MICAL3: variants seen among roughly 807,000 people sequenced by gnomAD.
MICAL3 encodes microtubule associated monooxygenase, calponin and LIM domain containing 3, also known as [F-actin]-monooxygenase MICAL3.
In MICAL3, 62 loss-of-function variants were observed where a neutral mutation model predicts 207.4. That is an observed-to-expected ratio of 0.30 (90% CI 0.24 to 0.37). The LOEUF (loss-of-function observed/expected upper bound fraction) is 0.37. Ranked by LOEUF, MICAL3 falls within the 10% of genes least tolerant of loss-of-function variation. The probability of loss-of-function intolerance (pLI) is 1.00; values close to 1 mark genes in which losing one functional copy is unlikely to be tolerated. For synonymous variants in MICAL3, 1,077 were observed against 1,069.3 expected (o/e 1.01, Z -0.14); for missense variants, 2,368 against 2,635.6 (o/e 0.90, Z 2.22).
At chr22:17,830,615 C>T (rs1166608301) in intron 21 of MICAL3, among the ~76,000 whole-genome samples, 1 of 152,254 alleles carries the variant, frequency 6.6e-6, no homozygotes, top group Non-Finnish European at 1.5e-5. Flanking sequence ...GCCACGCCGG[C>T]ACCTGGCTCC....
In MICAL3 at chr22:17,827,630, C is replaced by T. The variant is rs1922344550; in HGVS notation, c.3193+14G>A. On this transcript the variant is annotated intron_variant, in intron 22 of 31. Coordinates refer to ENST00000441493, the MANE Select transcript of MICAL3 (RefSeq NM_015241.3). ...GCTCGGGGCACACTGCGGCCTGGGG[C>T]TGGGAGTGTTTACCTCCGGAAGCAG... 1.9e-6 allele frequency: 3 copies of T among 1,553,388 alleles called. No individual in the cohort carries two copies. Among genetic ancestry groups the T allele is most frequent in the South Asian group, 2.4e-5 (2 of 84,102 alleles).
At chr22:17,929,050 C>T (rs1295613821) in intron 1 of MICAL3, among the ~76,000 whole-genome samples, 23 of 151,322 alleles carry the variant, frequency 1.5e-4, no homozygotes, top group Admixed American at 1.5e-3. Flanking sequence ...GCCTCGGCCT[C>T]CCAAAGTGCT....
At chr22:17,919,501 TTGA>T (rs1170039577) in intron 1 of MICAL3, among the ~76,000 whole-genome samples, 2 of 152,248 alleles carry the variant, frequency 1.3e-5, no homozygotes, top group African/African-American at 4.8e-5. Flanking sequence ...TGAGGACCAC[TTGA>T]TGAACAAACG....
At chr22:17,938,710 C>T (rs1258661764) in intron 1 of MICAL3, among the ~76,000 whole-genome samples, 1 of 152,178 alleles carries the variant, frequency 6.6e-6, no homozygotes, top group Non-Finnish European at 1.5e-5. Flanking sequence ...GAGGGTGAGG[C>T]CACTGCTCAC....
chr22:17,877,741 C>G (rs1334631336), intron 16 of MICAL3, among the ~76,000 whole-genome samples: 2 of 152,068 alleles, frequency 1.3e-5, no homozygotes, highest in Non-Finnish European at 2.9e-5. Context: ...CTTATTGCCT[C>G]CTGAGCTCAA....
rs114867357 is a variant in MICAL3 at position 17,841,751 on chromosome 22, G to A, written c.2801+71C>T. On this transcript the variant is annotated intron_variant, in intron 20 of 31. Transcript: ENST00000441493. The surrounding 1 kb of genome is among the most constrained non-coding windows in gnomAD (Gnocchi z 4.2). ...GGCCTCCCTTCACTGAGAAGAAACC[G>A]AGACACACAGAGGTGAGGAGGCTCT... 0.016 allele frequency: 23,166 copies of A among 1,470,534 alleles called. 534 individuals carry two copies. The highest frequency in any genetic ancestry group is 0.11 in the East Asian group (4,253 of 40,090). The allele number at this position is 1,470,534 out of a possible 1,614,324, so 91.1% of individuals were successfully genotyped here. A position where few individuals can be genotyped will look rare whatever the true frequency, so the allele number is the denominator to read the frequency against.
At chr22:17,858,395 C>A in intron 19 of MICAL3, 1 of 877,846 alleles carries the variant, frequency 1.1e-6, no homozygotes, top group African/African-American at 1.8e-5. Flanking sequence ...GGGTGAGCTG[C>A]AAGGTAAGGG....
intron 21 of MICAL3, among the ~76,000 whole-genome samples, chr22:17,828,529 T>C (rs538146811): frequency 1.3e-5 from 2 of 152,306 alleles, no homozygotes; most frequent in South Asian, 2.1e-4. Context: ...AGCTCTTTCA[T>C]GTACGTTTCC....
rs182975233 is a variant in MICAL3 at position 17,875,304 on chromosome 22, C to G, written c.2242-3281G>C. On this transcript the variant is annotated intron_variant, in intron 16 of 31. Coordinates refer to ENST00000441493, the MANE Select transcript of MICAL3 (RefSeq NM_015241.3). The stretch of plus-strand genomic sequence containing the variant: ...CACACACGAGACCGACACAGGCAAA[C>G]AGCAACACATGCAGCTGGCTCCCTA... The G allele has an allele frequency of 1.0e-5, 5 of 480,460 alleles. No individual in the cohort carries two copies. The East Asian group carries it at 2.0e-4, about 19-fold the overall frequency. The allele number at this position is 480,460 out of a possible 1,614,324, so 29.8% of individuals were successfully genotyped here. A position where few individuals can be genotyped will look rare whatever the true frequency, so the allele number is the denominator to read the frequency against.
At chr22:17,931,075 G>A (rs1288050093) in intron 1 of MICAL3, among the ~76,000 whole-genome samples, 1 of 152,160 alleles carries the variant, frequency 6.6e-6, no homozygotes, top group Non-Finnish European at 1.5e-5. Flanking sequence ...AGTGCTTCAG[G>A]CGACCAGTGA....
At chr22:17,977,123 C>T (rs9605463) in intron 1 of MICAL3, among the ~76,000 whole-genome samples, 40,930 of 151,992 alleles carry the variant, frequency 0.27, 5,961 homozygotes, top group African/African-American at 0.37. Flanking sequence ...ACAATAGAAA[C>T]ATCTGAAAGC....
intron 1 of MICAL3, chr22:18,005,463 A>G (rs1923326610): frequency 1.3e-5 from 2 of 152,136 alleles, no homozygotes; most frequent in Non-Finnish European, 2.9e-5. Flanking sequence ...CGTGAACACA[A>G]CCTTTTTACA....
At chr22:17,927,290 C>T (rs1349430582) in intron 1 of MICAL3, among the ~76,000 whole-genome samples, 1 of 152,182 alleles carries the variant, frequency 6.6e-6, no homozygotes, top group African/African-American at 2.4e-5. Context: ...AATAATAATT[C>T]CATTGTAGTC....
At chr22:17,911,373 A>G (rs1279913814) in intron 1 of MICAL3, among the ~76,000 whole-genome samples, 1 of 152,136 alleles carries the variant, frequency 6.6e-6, no homozygotes, top group African/African-American at 2.4e-5. Context: ...AAAGAATGAC[A>G]CTTCAAGAGT....
Position 17,787,928 on chromosome 22 carries a change from G to GT in MICAL3, c.*2803_*2804insA. 1 of 152,284 alleles carries GT rather than the reference G, an allele frequency of 6.6e-6. No homozygotes were observed. Among genetic ancestry groups the GT allele is most frequent in the South Asian group, 2.1e-4 (1 of 4,838 alleles). 9.4% of individuals were successfully genotyped at this position (152,284 alleles called of 1,614,324 possible). ...GAGCGCCTCCGGCCTGCCCTCCAGG[G>GT]AAGCTGCATGTGGACCTCCACGGTA... On this transcript the variant is annotated 3_prime_UTR_variant, in exon 32 of 32. Transcript: ENST00000441493.
At chr22:17,915,602 T>C (rs1164389740) in intron 1 of MICAL3, among the ~76,000 whole-genome samples, 8 of 151,680 alleles carry the variant, frequency 5.3e-5, no homozygotes, top group Non-Finnish European at 1.2e-4. Flanking sequence ...GAATATGGGG[T>C]TTCTCAGGTG....
At chr22:18,021,164 C>T (rs1217075340) in intron 1 of MICAL3, among the ~76,000 whole-genome samples, 1 of 152,220 alleles carries the variant, frequency 6.6e-6, no homozygotes, top group Non-Finnish European at 1.5e-5. Flanking sequence ...TGGCCTGTGC[C>T]ATAAATTGCC....
chr22:17,818,163 C>T lies in MICAL3; in HGVS notation c.4498G>A (p.Glu1500Lys). The change falls in exon 26 of 32, where the codon GAG becomes AAG. Residue 1500 changes from glutamate (E) to lysine (K), a missense_variant. By Grantham distance (56) the Glu-to-Lys change is moderately conservative (BLOSUM62 1). Around this residue, in one of 4 missense-constraint regions of MICAL3, gnomAD observed 1,770 missense variants for 1,863.2 expected, o/e 0.95. Transcript: ENST00000441493. ...LPATWMRPPREPAQPPREEVR... is the reference protein window; with the variant it reads ...LPATWMRPPRKPAQPPREEVR... ...TCCTCTCTGGGGGGCTGAGCAGGCT[C>T]CCGGGGGGGCCGCATCCAGGTGGCG... The T allele has an allele frequency of 1.3e-6, 2 of 1,595,992 alleles. No homozygotes were observed. The highest frequency in any genetic ancestry group is 1.7e-6 in the Non-Finnish European group (2 of 1,173,492).
chr22:17,987,055 C>G (rs1247673461), intron 1 of MICAL3, among the ~76,000 whole-genome samples: 1 of 151,840 alleles, frequency 6.6e-6, no homozygotes, highest in Non-Finnish European at 1.5e-5. Flanking sequence ...CTGGGCAACA[C>G]AGCGAGACCC....
Sources: gnomAD v4.1 joint callset for allele counts (sites outside exome capture counted in the v4.1 genomes callset) on GRCh38, gnomAD v4.1.1 for gene constraint, gnomAD v4.1.1 regional missense constraint, Gnocchi (gnomAD v3.1) non-coding constraint, MANE v1.5 for transcripts, NCBI Gene and HGNC (gene_info 2026-07-23, HGNC 2026-07-21) for gene names.